The following CRIM1 variants were observed in gnomAD, a reference collection of about 807,000 sequenced individuals.
The protein encoded by CRIM1 is cysteine rich transmembrane BMP regulator 1.
Under a neutral mutation model 116.4 loss-of-function variants are expected in CRIM1, and 32 were observed. That is an observed-to-expected ratio of 0.27 (90% CI 0.21 to 0.37). The LOEUF is 0.37. Ranked by LOEUF, CRIM1 falls within the 10% of genes least tolerant of loss-of-function variation. CRIM1 has a pLI of 1.00. For synonymous variants in CRIM1, 590 were observed against 509.2 expected, an observed-to-expected ratio of 1.16 and a Z score of -2.13; for missense variants, 1,331 against 1,354.8, an observed-to-expected ratio of 0.98 and a Z score of 0.28.
chr2:36,511,818 C>T (rs1309217489), intron 9 of CRIM1, among the ~76,000 whole-genome samples: 2 of 114,030 alleles, frequency 1.8e-5, no homozygotes, highest in African/African-American at 6.8e-5. Flanking sequence ...TAAAGAATTA[C>T]TTTCTGCATG....
chr2:36,441,533 C>A, intron 3 of CRIM1, 33 bp downstream of exon 3: 1 of 1,597,540 alleles, frequency 6.3e-7, no homozygotes, highest in South Asian at 1.1e-5. Context: ...CAGCCTTGTT[C>A]CTTTGCATCA....
At chr2:36,458,121 C>G (rs1182488013) in intron 4 of CRIM1, among the ~76,000 whole-genome samples, 1 of 152,170 alleles carries the variant, frequency 6.6e-6, no homozygotes, top group African/African-American at 2.4e-5. Flanking sequence ...TCCAGAAGAC[C>G]TCACTGACTT....
At chr2:36,421,463 A>G (rs1167665275) in intron 2 of CRIM1, among the ~76,000 whole-genome samples, 1 of 152,240 alleles carries the variant, frequency 6.6e-6, no homozygotes, top group Non-Finnish European at 1.5e-5. Context: ...TAAGATGACT[A>G]GATATGAGCC....
At chr2:36,498,176 C>G (rs1680736608) in intron 7 of CRIM1, among the ~76,000 whole-genome samples, 1 of 152,152 alleles carries the variant, frequency 6.6e-6, no homozygotes, top group Non-Finnish European at 1.5e-5. Context: ...CCTCTGTTCC[C>G]TTTGGCAACA....
chr2:36,427,740 C>G (rs531441029), intron 2 of CRIM1, among the ~76,000 whole-genome samples: 1 of 152,334 alleles, frequency 6.6e-6, no homozygotes, highest in East Asian at 1.9e-4. Flanking sequence ...TAGGTTGTTC[C>G]TCATGGGCGC....
intron 7 of CRIM1, among the ~76,000 whole-genome samples, chr2:36,492,345 G>C (rs534803836): frequency 6.6e-6 from 1 of 152,146 alleles, no homozygotes; most frequent in Non-Finnish European, 1.5e-5. Context: ...AATGTGTAGC[G>C]GCTAAAAGAA....
intron 1 of CRIM1, among the ~76,000 whole-genome samples, chr2:36,375,196 A>G (rs1670233736): frequency 6.6e-6 from 1 of 152,158 alleles, no homozygotes; most frequent in African/African-American, 2.4e-5. Flanking sequence ...CACTTCCACC[A>G]TCTTATAAAT....
intron 5 of CRIM1, 112 bp from the exon 6 acceptor site, chr2:36,476,777 C>T: frequency 3.8e-6 from 3 of 788,740 alleles, no homozygotes; most frequent in East Asian, 5.2e-5. Context: ...AGTAAATTTC[C>T]ATCAACTTAT....
intron 7 of CRIM1, among the ~76,000 whole-genome samples, chr2:36,489,835 T>C (rs1292561231): frequency 1.3e-5 from 2 of 151,944 alleles, no homozygotes; most frequent in Non-Finnish European, 2.9e-5. Context: ...GCACACAGAG[T>C]CATTGTTTCG....
chr2:36,496,630 TATTTGTTCAAGTGAACAAA>T (rs1426238217), intron 7 of CRIM1, among the ~76,000 whole-genome samples: 1 of 152,226 alleles, frequency 6.6e-6, no homozygotes, highest in African/African-American at 2.4e-5. Flanking sequence ...TATGCAATTT[TATTTGTTCAAGTGAACAAA>T]ACCTGTTATG....
At chr2:36,391,516 T>C (rs1291228219) in intron 1 of CRIM1, among the ~76,000 whole-genome samples, 1 of 152,172 alleles carries the variant, frequency 6.6e-6, no homozygotes, top group Non-Finnish European at 1.5e-5. Context: ...ACCATTTTCC[T>C]ATTTACCAGT....
intron 8 of CRIM1, among the ~76,000 whole-genome samples, 182 bp from the exon 9 acceptor site, chr2:36,509,801 T>C (rs1223586805): frequency 6.6e-6 from 1 of 152,202 alleles, no homozygotes; most frequent in African/African-American, 2.4e-5. Context: ...TACCAAAACA[T>C]GGAGTCATGT....
chr2:36,435,244 A>G (rs1045938321), intron 2 of CRIM1, among the ~76,000 whole-genome samples: 1 of 152,142 alleles, frequency 6.6e-6, no homozygotes, highest in Admixed American at 6.5e-5. Context: ...TTCCGCTATC[A>G]AATATAATCC....
chr2:36,537,589 G>A, intron 14 of CRIM1, 43 bp downstream of exon 14: 1 of 1,530,460 alleles, frequency 6.5e-7, no homozygotes. Context: ...CTGTAATGTT[G>A]ATTTAAGATG....
intron 8 of CRIM1, among the ~76,000 whole-genome samples, chr2:36,503,656 TCTC>T (rs1331953395): frequency 6.6e-6 from 1 of 152,122 alleles, no homozygotes; most frequent in Non-Finnish European, 1.5e-5. Flanking sequence ...ATATTATCTT[TCTC>T]CTCCTTGGTT....
At chr2:36,422,382 G>A (rs766664557) in intron 2 of CRIM1, among the ~76,000 whole-genome samples, 11 of 152,100 alleles carry the variant, frequency 7.2e-5, no homozygotes, top group Non-Finnish European at 1.5e-4. Context: ...AATAAAAGGT[G>A]GCAGGGTGGT....
intron 7 of CRIM1, among the ~76,000 whole-genome samples, chr2:36,484,352 A>G (rs1558356610): frequency 6.6e-6 from 1 of 152,156 alleles, no homozygotes; most frequent in African/African-American, 2.4e-5. Context: ...TTTCAATAAT[A>G]GCAAGTATAA....
At chr2:36,402,155 A>C (rs1226944846) in intron 2 of CRIM1, among the ~76,000 whole-genome samples, 1 of 152,218 alleles carries the variant, frequency 6.6e-6, no homozygotes, top group Admixed American at 6.5e-5. Flanking sequence ...GTAAATACAT[A>C]AATAAACAAG....
intron 2 of CRIM1, among the ~76,000 whole-genome samples, chr2:36,429,012 G>C (rs1019957390): frequency 3.3e-5 from 5 of 152,244 alleles, no homozygotes; most frequent in Middle Eastern, 3.4e-3. Flanking sequence ...TTAGAGTTGC[G>C]CCTTCCCCTT....
Sources: gnomAD v4.1 joint callset for allele counts (sites outside exome capture counted in the v4.1 genomes callset) on GRCh38, gnomAD v4.1.1 for gene constraint, MANE v1.5 for transcripts, NCBI Gene and HGNC (gene_info 2026-07-23, HGNC 2026-07-21) for gene names.